Variants in PTPN2 observed in about 807,000 individuals in gnomAD.
PTPN2 encodes the protein tyrosine-protein phosphatase non-receptor type 2.
A neutral mutation model predicts 57.3 loss-of-function variants in PTPN2; 19 were observed. The observed-to-expected ratio is 0.33, with a 90% CI of 0.23 to 0.49. The LOEUF (loss-of-function observed/expected upper bound fraction) is 0.49, where lower values mean the gene tolerates loss of function less well. Among genes scored for constraint, PTPN2 ranks in the 20% least tolerant of loss-of-function variants. The pLI is 0.99. For missense variants in PTPN2, 358 were observed against 501.1 expected (o/e 0.71, Z 2.73); for synonymous variants, 153 against 164.9 (o/e 0.93, Z 0.55).
chr18:12,855,071 A>G (rs2043538053), intron 2 of PTPN2, among the ~76,000 whole-genome samples: 1 of 152,182 alleles, frequency 6.6e-6, no homozygotes, highest in Non-Finnish European at 1.5e-5. Context: ...GAATAATGTC[A>G]AAAGTCACAG....
intron 1 of PTPN2, among the ~76,000 whole-genome samples, chr18:12,872,702 C>T (rs2044311885): frequency 6.6e-6 from 1 of 151,246 alleles, no homozygotes; most frequent in Non-Finnish European, 1.5e-5. Flanking sequence ...GCGGACATTT[C>T]CTCTCATAAA....
intron 2 of PTPN2, among the ~76,000 whole-genome samples, chr18:12,854,410 A>C (rs1176952007): frequency 6.6e-6 from 1 of 152,012 alleles, no homozygotes; most frequent in Non-Finnish European, 1.5e-5. Context: ...ACATCATGGA[A>C]ATGGAAATTA....
intron 1 of PTPN2, among the ~76,000 whole-genome samples, chr18:12,879,686 G>A (rs1028003325): frequency 1.3e-5 from 2 of 152,142 alleles, no homozygotes; most frequent in African/African-American, 2.4e-5. Context: ...GGAGCAAAAA[G>A]GAATAAGGGA....
intron 5 of PTPN2, among the ~76,000 whole-genome samples, chr18:12,818,696 T>TA (rs1210537238): frequency 2.0e-5 from 3 of 151,858 alleles, no homozygotes; most frequent in African/African-American, 4.8e-5. Flanking sequence ...AGAAACAATG[T>TA]AAAAAACCTT....
chr18:12,815,396 G>C (rs977192638), intron 6 of PTPN2, among the ~76,000 whole-genome samples: 2 of 151,698 alleles, frequency 1.3e-5, no homozygotes, highest in African/African-American at 4.8e-5. Context: ...TGGCAACAGA[G>C]CGAAACTTCG....
At chr18:12,859,349 T>A in intron 1 of PTPN2, 95 bp from the exon 2 acceptor site, 1 of 785,424 alleles carries the variant, frequency 1.3e-6, no homozygotes, top group Non-Finnish European at 2.1e-6. Flanking sequence ...GAAGCACTTA[T>A]GATATGCCAA....
intron 6 of PTPN2, among the ~76,000 whole-genome samples, chr18:12,816,634 T>C (rs990223272): frequency 3.9e-5 from 6 of 152,112 alleles, no homozygotes; most frequent in African/African-American, 1.4e-4. Context: ...GAGAAAGAAT[T>C]AGCCGTTGGG....
chr18:12,812,683 T>G (rs1371880035), intron 7 of PTPN2, among the ~76,000 whole-genome samples: 4 of 152,274 alleles, frequency 2.6e-5, no homozygotes, highest in Middle Eastern at 3.4e-3. Flanking sequence ...ATGCCGATGG[T>G]CTAAATGCAC....
intron 1 of PTPN2, among the ~76,000 whole-genome samples, chr18:12,870,441 GTATATATATA>G (rs577107678): frequency 3.3e-4 from 8 of 24,574 alleles, no homozygotes; most frequent in South Asian, 2.2e-3. Flanking sequence ...ATATATATGT[GTATATATATA>G]TATATATATA....
At chr18:12,866,167 G>A (rs1184807379) in intron 1 of PTPN2, among the ~76,000 whole-genome samples, 12 of 152,280 alleles carry the variant, frequency 7.9e-5, no homozygotes, top group African/African-American at 2.9e-4. Flanking sequence ...AGCCGGGCGC[G>A]GTGGCTCACG....
chr18:12,834,459 C>T (rs2042780955), intron 3 of PTPN2, among the ~76,000 whole-genome samples: 1 of 151,884 alleles, frequency 6.6e-6, no homozygotes, highest in Admixed American at 6.6e-5. Context: ...GTAAAAACAC[C>T]ATTACAAAAT....
At chr18:12,788,147 G>A (rs369673960), downstream of PTPN2, 2 of 154,764 alleles carry the variant, frequency 1.3e-5, no homozygotes, top group East Asian at 3.8e-4. Flanking sequence ...AGAGCAACCT[G>A]TGTCTGAAAA....
intron 1 of PTPN2, among the ~76,000 whole-genome samples, chr18:12,874,456 GGCGCCTCTGCCCGGCC>G (rs1445542102): frequency 6.9e-6 from 1 of 144,958 alleles, no homozygotes; most frequent in African/African-American, 2.6e-5. Context: ...GGAGGTGAGG[GGCGCCTCTGCCCGGCC>G]GCCCCTACTG....
intron 3 of PTPN2, among the ~76,000 whole-genome samples, chr18:12,832,010 T>A (rs968431817): frequency 1.3e-5 from 2 of 152,154 alleles, no homozygotes; most frequent in African/African-American, 4.8e-5. Context: ...TCAACTCACA[T>A]GGAATGTAGC....
chr18:12,858,573 TTACAATG>T, intron 2 of PTPN2, among the ~76,000 whole-genome samples: 1 of 152,190 alleles, frequency 6.6e-6, no homozygotes, highest in Non-Finnish European at 1.5e-5. Flanking sequence ...AAAAAAAAGT[TTACAATG>T]TACTGCTAAG....
intron 8 of PTPN2, chr18:12,801,674 C>T (rs2041430783): frequency 4.2e-6 from 1 of 240,602 alleles, no homozygotes; most frequent in Non-Finnish European, 8.2e-6. Context: ...CTCAAGTGAT[C>T]CTCCCACTTC....
rs184227400 is a variant in PTPN2, at chr18:12,867,239, A to G, written c.70-7985T>C. Among the ~76,000 whole-genome samples, 10 of 152,114 alleles carry G rather than the reference A, an allele frequency of 6.6e-5. No homozygotes were observed. In the East Asian group the frequency reaches 1.7e-3, roughly 26 times the overall value. On this transcript the variant is annotated intron_variant, in intron 1 of 8. Coordinates refer to ENST00000309660, the MANE Select transcript of PTPN2 (RefSeq NM_002828.4). ...GAGGCAAAGCTGGGAGGATCACTTG[A>G]GCCCAGGAGGTCAAGGCTGCAGTGA... is the stretch of plus-strand genomic sequence containing the variant.
In PTPN2 at chr18:12,883,321, T is replaced by C. The variant is rs1019747248; in HGVS notation, c.69+752A>G. Among the ~76,000 whole-genome samples, 4 of 152,204 alleles carry C rather than the reference T, an allele frequency of 2.6e-5. No homozygotes were observed. The East Asian group carries it at 5.8e-4, about 22-fold the overall frequency. On this transcript the variant is annotated intron_variant, in intron 1 of 8. Coordinates refer to ENST00000309660, the MANE Select transcript of PTPN2 (RefSeq NM_002828.4). ...TGGACGAACACAAGCAAAGCCTCTT[T>C]CGTTCCGGGAAGGTTCTATGGGGGC...
chr18:12,866,205 G>A (rs1426837432), intron 1 of PTPN2, among the ~76,000 whole-genome samples: 5 of 152,168 alleles, frequency 3.3e-5, no homozygotes, highest in East Asian at 1.9e-4. Flanking sequence ...TTGGGAGGCC[G>A]AGGCAGGTGG....
Sources: allele counts gnomAD v4.1 joint callset (sites outside exome capture counted in the v4.1 genomes callset), GRCh38; gene constraint gnomAD v4.1.1; transcripts MANE v1.5; gene names NCBI Gene and HGNC (gene_info 2026-07-23, HGNC 2026-07-21).